ATP8A2: variants seen among roughly 807,000 people sequenced by gnomAD.
The protein encoded by ATP8A2 is ATPase phospholipid transporting 8A2.
In ATP8A2, 100 loss-of-function variants were observed where a neutral mutation model predicts 165.6. The ratio of observed to expected loss-of-function variants is 0.60; its 90% CI spans 0.51 to 0.71. ATP8A2 has a LOEUF of 0.71. Among genes scored for constraint, ATP8A2 ranks in the 30% least tolerant of loss-of-function variants. The pLI is 0.00. For synonymous variants in ATP8A2, 543 were observed against 548.8 expected, an observed-to-expected ratio of 0.99 and a Z score of 0.15; for missense variants, 1,227 against 1,479.5, an observed-to-expected ratio of 0.83 and a Z score of 2.80.
At chr13:26,007,920 A>C (rs1426109777) in intron 35 of ATP8A2, among the ~76,000 whole-genome samples, 1 of 152,196 alleles carries the variant, frequency 6.6e-6, no homozygotes, top group Non-Finnish European at 1.5e-5. Context: ...AGAAACTAGA[A>C]AAATTTTTCT....
chr13:25,777,745 A>G (rs1028952463), intron 27 of ATP8A2, among the ~76,000 whole-genome samples: 2 of 152,250 alleles, frequency 1.3e-5, no homozygotes, highest in South Asian at 2.1e-4. Context: ...TGAATTGCCA[A>G]TAAAGATTGT....
intron 33 of ATP8A2, among the ~76,000 whole-genome samples, chr13:25,926,938 A>G (rs115410426): frequency 0.03 from 4,635 of 152,338 alleles, 239 homozygotes; most frequent in African/African-American, 0.11. Context: ...AGTGACTTCT[A>G]TTGGTGCCCA....
intron 1 of ATP8A2, among the ~76,000 whole-genome samples, chr13:25,402,657 G>C (rs571688929): frequency 6.6e-6 from 1 of 152,120 alleles, no homozygotes; most frequent in East Asian, 1.9e-4. Flanking sequence ...TAGTTTGAAC[G>C]TTTGTGTCCC....
intron 35 of ATP8A2, among the ~76,000 whole-genome samples, chr13:25,978,813 G>A (rs981332930): frequency 1.5e-4 from 23 of 152,242 alleles, no homozygotes; most frequent in Non-Finnish European, 2.5e-4. Flanking sequence ...GGTGGCGGGC[G>A]CCTGTAGTCC....
chr13:25,909,699 C>T (rs1043300726), intron 33 of ATP8A2, among the ~76,000 whole-genome samples: 1 of 152,126 alleles, frequency 6.6e-6, no homozygotes, highest in Admixed American at 6.5e-5. Context: ...GCATTAAGAA[C>T]ATTCATAATG....
At chr13:25,898,179 G>C (rs549998453) in intron 33 of ATP8A2, among the ~76,000 whole-genome samples, 3 of 152,270 alleles carry the variant, frequency 2.0e-5, no homozygotes, top group Admixed American at 2.0e-4. Flanking sequence ...GGTCTTTGAT[G>C]ATGGTGACCT....
intron 24 of ATP8A2, among the ~76,000 whole-genome samples, chr13:25,664,955 A>G (rs2042120793): frequency 6.6e-6 from 1 of 152,116 alleles, no homozygotes; most frequent in African/African-American, 2.4e-5. Context: ...TGGGTCCAGA[A>G]TGTTATAGAA....
chr13:25,531,278 A>G (rs982559987), intron 4 of ATP8A2, among the ~76,000 whole-genome samples: 2 of 77,080 alleles, frequency 2.6e-5, no homozygotes, highest in Admixed American at 1.2e-4. Flanking sequence ...TATGATATAT[A>G]TGTTATATAT....
intron 33 of ATP8A2, among the ~76,000 whole-genome samples, chr13:25,866,359 C>A (rs1186875009): frequency 6.6e-6 from 1 of 152,152 alleles, no homozygotes; most frequent in Non-Finnish European, 1.5e-5. Context: ...AATAGGCTAA[C>A]CTGTGGGAAA....
intron 26 of ATP8A2, among the ~76,000 whole-genome samples, chr13:25,769,488 C>T: frequency 6.6e-6 from 1 of 152,226 alleles, no homozygotes; most frequent in East Asian, 1.9e-4. Flanking sequence ...CAAGGTGCTG[C>T]TCCTGGCAGA....
At chr13:25,980,746 C>T (rs1956157601) in intron 35 of ATP8A2, among the ~76,000 whole-genome samples, 1 of 152,112 alleles carries the variant, frequency 6.6e-6, no homozygotes, top group South Asian at 2.1e-4. Context: ...TGGCATGCAC[C>T]TGTATTCCCA....
chr13:25,996,804 C>T (rs1956518136), intron 35 of ATP8A2, among the ~76,000 whole-genome samples: 1 of 152,274 alleles, frequency 6.6e-6, no homozygotes, highest in Non-Finnish European at 1.5e-5. Context: ...CTGCCTCAGC[C>T]TCCCAAGTAG....
At chr13:25,728,942 T>A (rs1304753732) in intron 25 of ATP8A2, among the ~76,000 whole-genome samples, 1 of 152,224 alleles carries the variant, frequency 6.6e-6, no homozygotes, top group African/African-American at 2.4e-5. Flanking sequence ...ACCCTGTTTT[T>A]CAGATTGCAA....
intron 30 of ATP8A2, among the ~76,000 whole-genome samples, chr13:25,854,334 T>C (rs1167515503): frequency 6.6e-6 from 1 of 152,044 alleles, no homozygotes; most frequent in Non-Finnish European, 1.5e-5. Flanking sequence ...AAAATTTTGT[T>C]TGTTTGTTTG....
intron 2 of ATP8A2, among the ~76,000 whole-genome samples, chr13:25,506,814 A>C (rs2037051336): frequency 6.6e-6 from 1 of 152,086 alleles, no homozygotes; most frequent in South Asian, 2.1e-4. Flanking sequence ...GTTTGTGTAC[A>C]TTGAACCATC....
chr13:25,489,104 TC>T (rs1350229776), intron 2 of ATP8A2, among the ~76,000 whole-genome samples: 1 of 152,030 alleles, frequency 6.6e-6, no homozygotes, highest in Non-Finnish European at 1.5e-5. Flanking sequence ...TGACAGAGTT[TC>T]CCTTTCACCT....
intron 36 of ATP8A2, among the ~76,000 whole-genome samples, chr13:26,016,371 A>C (rs1956974031): frequency 6.6e-6 from 1 of 151,936 alleles, no homozygotes; most frequent in Admixed American, 6.6e-5. Context: ...AAACCTCGAA[A>C]CCCTTCCCAT....
intron 29 of ATP8A2, among the ~76,000 whole-genome samples, 177 bp downstream of exon 29, chr13:25,837,462 C>G (rs1370953481): frequency 6.6e-6 from 1 of 150,738 alleles, no homozygotes; most frequent in Non-Finnish European, 1.5e-5. Flanking sequence ...CACACACACA[C>G]ACACACACGC....
chr13:25,822,409 T>C (rs1435170091), intron 27 of ATP8A2, among the ~76,000 whole-genome samples: 3 of 152,236 alleles, frequency 2.0e-5, no homozygotes, highest in Admixed American at 6.5e-5. Flanking sequence ...GACAATGCTA[T>C]CTCACCAGCT....
Sources: allele counts gnomAD v4.1 joint callset (sites outside exome capture counted in the v4.1 genomes callset), GRCh38; gene constraint gnomAD v4.1.1; transcripts MANE v1.5; gene names NCBI Gene and HGNC (gene_info 2026-07-23, HGNC 2026-07-21).